Variants in DIP2C observed in about 807,000 individuals in gnomAD.
DIP2C encodes disco-interacting protein 2 homolog C.
Under a neutral mutation model 192.4 loss-of-function variants are expected in DIP2C, and 33 were observed. The ratio of observed to expected loss-of-function variants is 0.17; its 90% confidence interval spans 0.13 to 0.23. DIP2C has a LOEUF of 0.23. Among genes scored for constraint, DIP2C ranks in the 10% least tolerant of loss-of-function variants. DIP2C has a pLI of 1.00. For synonymous variants in DIP2C, 979 were observed against 864.1 expected, an observed-to-expected ratio of 1.13 and a Z score of -2.33; for missense variants, 1,537 against 2,110.1, an observed-to-expected ratio of 0.73 and a Z score of 5.32.
chr10:674,789 T>TATATATAG, intron 1 of DIP2C, among the ~76,000 whole-genome samples: 782 of 62,452 alleles, frequency 0.013, 16 homozygotes, highest in Non-Finnish European at 0.015. Context: ...TATATATATA[T>TATATATAG]AGAGAGAGAG....
intron 1 of DIP2C, among the ~76,000 whole-genome samples, chr10:621,169 G>A (rs1443013002): frequency 1.3e-5 from 2 of 152,152 alleles, no homozygotes; most frequent in Non-Finnish European, 2.9e-5. Context: ...GACGCAACGG[G>A]CCACGTATTC....
chr10:298,510 G>A (rs1386411321), intron 32 of DIP2C, among the ~76,000 whole-genome samples: 2 of 152,160 alleles, frequency 1.3e-5, no homozygotes, highest in South Asian at 2.1e-4. Context: ...GAGAGGAGAG[G>A]GTGTGTGCTC....
intron 1 of DIP2C, among the ~76,000 whole-genome samples, chr10:598,149 C>T (rs1169354591): frequency 2.0e-5 from 3 of 152,186 alleles, no homozygotes; most frequent in African/African-American, 7.2e-5. Flanking sequence ...GGCAAAGAGT[C>T]GGAGACACCA....
intron 15 of DIP2C, 78 bp downstream of exon 15, chr10:384,468 C>T: frequency 7.0e-7 from 1 of 1,432,354 alleles, no homozygotes; most frequent in Non-Finnish European, 9.7e-7. Flanking sequence ...GAACTCCTGA[C>T]CTCAGGTGAT....
intron 3 of DIP2C, among the ~76,000 whole-genome samples, chr10:449,863 CAT>C (rs1381473320): frequency 6.8e-6 from 1 of 146,604 alleles, no homozygotes; most frequent in Non-Finnish European, 1.5e-5. Context: ...AATAAAAACA[CAT>C]ACACACACAC....
chr10:286,602 T>C (rs112465894), intron 33 of DIP2C, among the ~76,000 whole-genome samples: 14 of 152,324 alleles, frequency 9.2e-5, no homozygotes, highest in East Asian at 7.7e-4. Flanking sequence ...AACATTTTGA[T>C]TGTCAGTCAT....
chr10:371,866 T>A (rs953542795), intron 17 of DIP2C, among the ~76,000 whole-genome samples: 1 of 152,206 alleles, frequency 6.6e-6, no homozygotes, highest in African/African-American at 2.4e-5. Context: ...CAGTGTGTGG[T>A]ACTTTGTTAC....
chr10:307,757 G>A (rs1956389022), intron 32 of DIP2C, among the ~76,000 whole-genome samples: 1 of 152,264 alleles, frequency 6.6e-6, no homozygotes, highest in Non-Finnish European at 1.5e-5. Context: ...TCCCACCCGA[G>A]GGCACGGGAG....
At chr10:472,634 C>T (rs762343349) in intron 2 of DIP2C, 85 bp from the exon 3 acceptor site, 22 of 1,227,358 alleles carry the variant, frequency 1.8e-5, no homozygotes, top group East Asian at 2.3e-5. Context: ...CCTCCATCCC[C>T]ACAGCAAAGC....
chr10:467,867 G>A (rs1446251349), intron 3 of DIP2C, among the ~76,000 whole-genome samples: 1 of 152,174 alleles, frequency 6.6e-6, no homozygotes, highest in Non-Finnish European at 1.5e-5. Flanking sequence ...ATGGGTTGAT[G>A]GGTGCAGCAA....
At chr10:597,101 G>T (rs1851754791) in intron 1 of DIP2C, among the ~76,000 whole-genome samples, 1 of 152,174 alleles carries the variant, frequency 6.6e-6, no homozygotes, top group Admixed American at 6.5e-5. Context: ...GTCCACCCAG[G>T]GCTCCAGGGC....
chr10:501,281 G>C (rs1473368000), intron 1 of DIP2C, among the ~76,000 whole-genome samples: 1 of 152,108 alleles, frequency 6.6e-6, no homozygotes, highest in Non-Finnish European at 1.5e-5. Context: ...ATCCTTTCTA[G>C]AAGATCTTGC....
chr10:338,303 C>T (rs1957968070), intron 29 of DIP2C, among the ~76,000 whole-genome samples: 1 of 152,210 alleles, frequency 6.6e-6, no homozygotes, highest in South Asian at 2.1e-4. Context: ...TTTACAGAGG[C>T]CACAATAGTG....
chr10:308,116 G>A (rs976084613), intron 32 of DIP2C, among the ~76,000 whole-genome samples: 9 of 152,322 alleles, frequency 5.9e-5, no homozygotes, highest in African/African-American at 2.2e-4. Context: ...GTGCCTGGGC[G>A]GGGCCCGGTG....
At chr10:530,676 ACT>A in intron 1 of DIP2C, among the ~76,000 whole-genome samples, 3 of 145,888 alleles carry the variant, frequency 2.1e-5, no homozygotes, top group African/African-American at 7.9e-5. Context: ...AAAAAAAAAG[ACT>A]GTTACTAACA....
At chr10:378,589 A>G (rs555078875) in intron 17 of DIP2C, among the ~76,000 whole-genome samples, 214 of 151,410 alleles carry the variant, frequency 1.4e-3, no homozygotes, top group African/African-American at 4.9e-3. Flanking sequence ...GTGAACGCAG[A>G]CATAGACACA....
intron 4 of DIP2C, among the ~76,000 whole-genome samples, chr10:423,522 GGT>G (rs998673197): frequency 6.6e-6 from 1 of 152,074 alleles, no homozygotes; most frequent in South Asian, 2.1e-4. Context: ...TTTCTATGTC[GGT>G]GTGTGTGTTA....
At chr10:685,677 T>G (rs930423431) in intron 1 of DIP2C, among the ~76,000 whole-genome samples, 2 of 152,072 alleles carry the variant, frequency 1.3e-5, no homozygotes, top group African/African-American at 4.8e-5. Context: ...TAATAAGACA[T>G]GAGTCTGGGC....
intron 6 of DIP2C, 114 bp downstream of exon 6, chr10:418,951 C>A: frequency 6.7e-7 from 1 of 1,482,190 alleles, no homozygotes. Context: ...GATAAATTGG[C>A]TTTGTCAGAA....
Sources: allele counts gnomAD v4.1 joint callset (sites outside exome capture counted in the v4.1 genomes callset), GRCh38; gene constraint gnomAD v4.1.1; transcripts MANE v1.5; gene names NCBI Gene and HGNC (gene_info 2026-07-23, HGNC 2026-07-21).